Variants in DLGAP2 observed in about 807,000 individuals in gnomAD.
DLGAP2 encodes disks large-associated protein 2.
Under a neutral mutation model 100.3 loss-of-function variants are expected in DLGAP2, and 26 were observed. That is an observed-to-expected ratio of 0.26 (90% CI 0.19 to 0.36). The LOEUF is 0.36. DLGAP2 is among the 10% of genes least tolerant of loss of function. DLGAP2 has a pLI of 1.00. For missense variants in DLGAP2, 1,858 were observed against 1,453.2 expected (o/e 1.28, Z -4.53); for synonymous variants, 886 against 630.1 (o/e 1.41, Z -6.08).
chr8:1,099,455 C>A (rs1303892099), intron 2 of DLGAP2, among the ~76,000 whole-genome samples: 8 of 152,222 alleles, frequency 5.3e-5, no homozygotes, highest in African/African-American at 1.9e-4. Context: ...ACTGGGGCTA[C>A]GTTGCTAAGT....
intron 2 of DLGAP2, among the ~76,000 whole-genome samples, chr8:986,397 GC>G (rs1800488583): frequency 1.3e-5 from 2 of 152,296 alleles, no homozygotes; most frequent in Admixed American, 1.3e-4. Context: ...GTATTCATGT[GC>G]CAGGGTGGTT....
intron 3 of DLGAP2, among the ~76,000 whole-genome samples, chr8:1,463,490 A>G (rs550515450): frequency 6.6e-6 from 1 of 152,224 alleles, no homozygotes; most frequent in African/African-American, 2.4e-5. Context: ...AGCCAGGGTC[A>G]GGCAGCCTCG....
In DLGAP2 at chr8:1,447,443, A is replaced by T. The variant is rs957806593; in HGVS notation, c.107-53923A>T. Among the ~76,000 whole-genome samples the T allele has an allele frequency of 2.1e-4, 32 of 152,192 alleles. 1 individual carries two copies. Among genetic ancestry groups the T allele is most frequent in the African/African-American group, 7.2e-4 (30 of 41,440 alleles). ...GCATCCCAGGGATGAAGCCCACTTG[A>T]TCATGGTGGATAAGCTTTTTGATGT... On this transcript the variant is annotated intron_variant, in intron 3 of 14. Transcript: ENST00000637795.
chr8:1,659,809 G>T (rs1798368554), intron 8 of DLGAP2, among the ~76,000 whole-genome samples: 1 of 152,132 alleles, frequency 6.6e-6, no homozygotes, highest in African/African-American at 2.4e-5. Flanking sequence ...TTGCCATTCT[G>T]TGTCTTTTAA....
At chr8:994,408 C>G (rs1800727940) in intron 2 of DLGAP2, among the ~76,000 whole-genome samples, 1 of 152,118 alleles carries the variant, frequency 6.6e-6, no homozygotes, top group Admixed American at 6.6e-5. Flanking sequence ...CCATGTTGGT[C>G]AGGCTGGTCT....
chr8:1,221,716 C>T (rs767209377), intron 2 of DLGAP2, among the ~76,000 whole-genome samples: 6 of 152,194 alleles, frequency 3.9e-5, no homozygotes, highest in Non-Finnish European at 7.3e-5. Context: ...TGTCACTCCA[C>T]CTCTTTCAGC....
chr8:1,135,394 A>G (rs1158308217), intron 2 of DLGAP2, among the ~76,000 whole-genome samples: 3 of 152,070 alleles, frequency 2.0e-5, no homozygotes, highest in Non-Finnish European at 4.4e-5. Context: ...CTTAGGGGAA[A>G]GAGCCTTTGA....
chr8:1,526,613 T>C (rs576568857), intron 4 of DLGAP2, among the ~76,000 whole-genome samples: 56 of 152,298 alleles, frequency 3.7e-4, no homozygotes, highest in African/African-American at 1.3e-3. Flanking sequence ...ACCGCTGAGT[T>C]CTGCCACTGA....
intron 2 of DLGAP2, among the ~76,000 whole-genome samples, chr8:1,023,947 T>C (rs1332598738): frequency 6.7e-6 from 1 of 150,162 alleles, no homozygotes; most frequent in Non-Finnish European, 1.5e-5. Context: ...GCTTTCTAAG[T>C]GTGGGTGGCT....
Position 1,148,656 on chromosome 8 carries a change from T to G in DLGAP2, c.74-110195T>G, listed in dbSNP as rs957132506. Among the ~76,000 whole-genome samples the G allele has an allele frequency of 7.9e-5, 12 of 152,282 alleles. No individual in the cohort carries two copies. In the South Asian group the frequency reaches 8.3e-4, roughly 11 times the overall value. ...GCTTAAAACATTTTCTAATTTTCAT[T>G]TTATTTCTCTTTTGACAAAAATATT... is the stretch of plus-strand genomic sequence containing the variant. On this transcript the variant is annotated intron_variant, in intron 2 of 14. Coordinates refer to ENST00000637795, the MANE Select transcript of DLGAP2 (RefSeq NM_001346810.2).
At chr8:998,277 A>G (rs940793877) in intron 2 of DLGAP2, among the ~76,000 whole-genome samples, 2 of 152,166 alleles carry the variant, frequency 1.3e-5, no homozygotes, top group African/African-American at 2.4e-5. Flanking sequence ...CTCAGCTCCT[A>G]CAGAGGCTCA....
At chr8:1,308,472 CA>C (rs2117010540) in intron 3 of DLGAP2, among the ~76,000 whole-genome samples, 1 of 152,244 alleles carries the variant, frequency 6.6e-6, no homozygotes, top group East Asian at 1.9e-4. Flanking sequence ...GACTAAAAGA[CA>C]TATAAAAAAC....
At chr8:1,221,931 A>G (rs146962455) in intron 2 of DLGAP2, among the ~76,000 whole-genome samples, 2 of 152,100 alleles carry the variant, frequency 1.3e-5, no homozygotes, top group African/African-American at 4.8e-5. Context: ...CCTGTGGTGA[A>G]TTTTTTATTT....
At chr8:1,247,646 C>A (rs1169936289) in intron 2 of DLGAP2, among the ~76,000 whole-genome samples, 1 of 52,194 alleles carries the variant, frequency 1.9e-5, no homozygotes. Flanking sequence ...CCGGGAAGAC[C>A]TTTGAGATCA....
At chr8:1,282,662 C>T (rs1176167597) in intron 3 of DLGAP2, among the ~76,000 whole-genome samples, 1 of 133,522 alleles carries the variant, frequency 7.5e-6, no homozygotes, top group Non-Finnish European at 1.6e-5. Flanking sequence ...ACCATCCAGA[C>T]GTGGTGTGAC....
intron 3 of DLGAP2, among the ~76,000 whole-genome samples, chr8:1,331,791 T>TA: frequency 6.6e-6 from 1 of 152,210 alleles, no homozygotes; most frequent in Non-Finnish European, 1.5e-5. Flanking sequence ...GAGATACGTG[T>TA]AAATCCAAGC....
intron 3 of DLGAP2, among the ~76,000 whole-genome samples, chr8:1,387,800 A>G (rs141715660): frequency 3.3e-5 from 5 of 152,280 alleles, no homozygotes; most frequent in South Asian, 2.1e-4. Flanking sequence ...CTGTGCCACA[A>G]TCGGAACCAG....
chr8:1,573,925 T>C (rs1802859105), intron 6 of DLGAP2, among the ~76,000 whole-genome samples: 1 of 152,148 alleles, frequency 6.6e-6, no homozygotes, highest in African/African-American at 2.4e-5. Context: ...TGAGTAGTCA[T>C]AAGTGGCGTA....
chr8:1,312,519 G>T (rs889650477), intron 3 of DLGAP2, among the ~76,000 whole-genome samples: 1 of 152,100 alleles, frequency 6.6e-6, no homozygotes, highest in Non-Finnish European at 1.5e-5. Context: ...ACAGATTCAG[G>T]GTTTCTGGGG....
Sources: gnomAD v4.1 joint callset for allele counts (sites outside exome capture counted in the v4.1 genomes callset) on GRCh38, gnomAD v4.1.1 for gene constraint, MANE v1.5 for transcripts, NCBI Gene and HGNC (gene_info 2026-07-23, HGNC 2026-07-21) for gene names.